The following SGCD variants were observed in gnomAD, a reference collection of about 807,000 sequenced individuals.
SGCD encodes the protein sarcoglycan delta, also known as delta-sarcoglycan.
Under a neutral mutation model 36.6 loss-of-function variants are expected in SGCD, and 18 were observed. The ratio of observed to expected loss-of-function variants is 0.49; its 90% confidence interval spans 0.34 to 0.73. SGCD has a LOEUF of 0.73. Ranked by LOEUF, SGCD falls within the 30% of genes least tolerant of loss-of-function variation. SGCD has a pLI of 0.01. For synonymous variants in SGCD, 133 were observed against 130.6 expected, an observed-to-expected ratio of 1.02 and a Z score of -0.12; for missense variants, 387 against 346.7, an observed-to-expected ratio of 1.12 and a Z score of -0.92.
chr5:155,891,912 C>A (rs1220271517), intron 1 of SGCD, among the ~76,000 whole-genome samples: 1 of 152,072 alleles, frequency 6.6e-6, no homozygotes, highest in African/African-American at 2.4e-5. Context: ...TCGAATTTCT[C>A]TTGAGAATTA....
rs6894286 is a variant in SGCD at position 156,310,520 on chromosome 5, A to T, written c.-43-19014A>T. Among the ~76,000 whole-genome samples the T allele has an allele frequency of 4.9e-3, 748 of 152,310 alleles. 2 individuals carry two copies. The highest frequency in any genetic ancestry group is 0.016 in the African/African-American group (657 of 41,556). ...AGCTGCTACTGTGTTAAGAGCTGAA[A>T]TTGACCAAAATTAACCACAGTTTAC... On this transcript the variant is annotated intron_variant, in intron 3 of 9. Transcript: ENST00000517913.
intron 3 of SGCD, among the ~76,000 whole-genome samples, chr5:156,451,584 A>G (rs1435193080): frequency 6.6e-6 from 1 of 152,180 alleles, no homozygotes; most frequent in Non-Finnish European, 1.5e-5. Context: ...GGGCACAGAG[A>G]AATCTGCCCT....
At chr5:155,738,653 T>A in the SGCD span, among the ~76,000 whole-genome samples, 50 of 151,620 alleles carry the variant, frequency 3.3e-4, no homozygotes, top group Non-Finnish European at 6.2e-4. Flanking sequence ...TGTGTGTGTG[T>A]GAGAGAGTGT....
rs1347938911 is a variant in SGCD, at chr5:156,760,635, T to C, written c.*1245T>C. The stretch of plus-strand genomic sequence containing the variant: ...CACTGTGTCCCCTGAGGCCCAGCAG[T>C]ACCTGCTTCCCTGTATGTGGAAGCA... On this transcript the variant is annotated 3_prime_UTR_variant, in exon 9 of 9. Coordinates refer to ENST00000337851, the MANE Select transcript of SGCD (RefSeq NM_000337.6). 1 of 152,628 alleles carries C rather than the reference T, an allele frequency of 6.6e-6. No homozygotes were observed. Among genetic ancestry groups the C allele is most frequent in the African/African-American group, 2.4e-5 (1 of 41,444 alleles). 9.5% of individuals were successfully genotyped at this position (152,628 alleles called of 1,614,324 possible). A position where few individuals can be genotyped will look rare whatever the true frequency, so the allele number is the denominator to read the frequency against.
chr5:156,347,436 A>G (rs111808773), intron 3 of SGCD, among the ~76,000 whole-genome samples: 1 of 152,220 alleles, frequency 6.6e-6, no homozygotes, highest in African/African-American at 2.4e-5. Context: ...GACATTTAAA[A>G]GATGGAATTG....
chr5:155,797,766 T>C, the SGCD span, among the ~76,000 whole-genome samples: 1 of 152,198 alleles, frequency 6.6e-6, no homozygotes, highest in East Asian at 1.9e-4. Flanking sequence ...AAACCCGTGT[T>C]AAATAAGATG....
At chr5:155,891,174 T>C (rs1462232699) in intron 1 of SGCD, among the ~76,000 whole-genome samples, 1 of 152,202 alleles carries the variant, frequency 6.6e-6, no homozygotes, top group African/African-American at 2.4e-5. Context: ...AGGAACTTCA[T>C]GTACAGATCC....
At chr5:155,951,948 G>C (rs552771941) in intron 1 of SGCD, among the ~76,000 whole-genome samples, 2 of 152,304 alleles carry the variant, frequency 1.3e-5, no homozygotes, top group Admixed American at 1.3e-4. Flanking sequence ...TCTGTGACTT[G>C]ATCTTTGACT....
chr5:156,095,660 CA>C, intron 1 of SGCD, among the ~76,000 whole-genome samples: 1 of 151,832 alleles, frequency 6.6e-6, no homozygotes, highest in Non-Finnish European at 1.5e-5. Context: ...TTTCAGTGAG[CA>C]AGATAAGAAA....
intron 7 of SGCD, among the ~76,000 whole-genome samples, chr5:156,699,087 C>A (rs946724792): frequency 5.9e-5 from 9 of 152,280 alleles, no homozygotes; most frequent in Middle Eastern, 6.8e-3. Flanking sequence ...GTGACTCTAC[C>A]TGGATTTGAA....
chr5:156,267,950 A>G (rs1766046304), intron 3 of SGCD, among the ~76,000 whole-genome samples: 1 of 152,076 alleles, frequency 6.6e-6, no homozygotes, highest in South Asian at 2.1e-4. Context: ...AAAGCTTAGT[A>G]CCCAATAGTT....
chr5:155,892,573 C>A (rs577638299), intron 1 of SGCD, among the ~76,000 whole-genome samples: 1 of 151,204 alleles, frequency 6.6e-6, no homozygotes, highest in Non-Finnish European at 1.5e-5. Context: ...ATTTGTTGCA[C>A]TTTGGGAATG....
At chr5:156,267,900 A>G (rs1442948330) in intron 3 of SGCD, among the ~76,000 whole-genome samples, 2 of 152,104 alleles carry the variant, frequency 1.3e-5, no homozygotes, top group Admixed American at 6.5e-5. Flanking sequence ...TAAACTTGTC[A>G]TAGGAGTTTG....
chr5:156,542,613 C>T (rs527494596), intron 4 of SGCD, among the ~76,000 whole-genome samples: 7 of 152,152 alleles, frequency 4.6e-5, no homozygotes, highest in Non-Finnish European at 8.8e-5. Context: ...GTAGGTACTA[C>T]TATTATTCCT....
chr5:155,823,099 T>TATCTATC, the SGCD span, among the ~76,000 whole-genome samples: 6 of 151,814 alleles, frequency 4.0e-5, no homozygotes, highest in Non-Finnish European at 7.4e-5. Context: ...TCTATCTATC[T>TATCTATC]ATCTATCTAT....
At chr5:155,819,461 CTTA>C in the SGCD span, among the ~76,000 whole-genome samples, 2 of 152,076 alleles carry the variant, frequency 1.3e-5, no homozygotes, top group Admixed American at 6.6e-5. Context: ...AGAGGGAATA[CTTA>C]ATAATGGTAA....
intron 3 of SGCD, among the ~76,000 whole-genome samples, chr5:156,408,025 T>A (rs1418662045): frequency 6.6e-6 from 1 of 152,158 alleles, no homozygotes; most frequent in Non-Finnish European, 1.5e-5. Context: ...ACCTCAAAGA[T>A]GGTATTATAA....
intron 1 of SGCD, among the ~76,000 whole-genome samples, chr5:156,003,021 C>G (rs902474557): frequency 1.3e-5 from 2 of 152,198 alleles, no homozygotes; most frequent in Admixed American, 6.5e-5. Flanking sequence ...GTCAAGGAAT[C>G]TCTGCATAGG....
chr5:156,215,154 T>A (rs1428465065), intron 3 of SGCD, among the ~76,000 whole-genome samples: 1 of 152,026 alleles, frequency 6.6e-6, no homozygotes, highest in Non-Finnish European at 1.5e-5. Context: ...AATGCAAATA[T>A]TTCCAAATGA....
Sources: gnomAD v4.1 joint callset for allele counts (sites outside exome capture counted in the v4.1 genomes callset) on GRCh38, gnomAD v4.1.1 for gene constraint, MANE v1.5 for transcripts, NCBI Gene and HGNC (gene_info 2026-07-23, HGNC 2026-07-21) for gene names.